Variants in GLB1L observed in about 807,000 individuals in gnomAD.
GLB1L encodes the protein beta-galactosidase-1-like protein.
GLB1L carries 58 observed loss-of-function variants against 75.7 expected under a neutral mutation model. That is an observed-to-expected ratio of 0.77 (90% confidence interval 0.62 to 0.95). The LOEUF is 0.95. Among genes scored for constraint, GLB1L ranks in the 40% least tolerant of loss-of-function variants. The pLI is 0.00. For synonymous variants in GLB1L, 296 were observed against 303.0 expected (o/e 0.98, Z 0.24); for missense variants, 797 against 805.5 (o/e 0.99, Z 0.13).
intron 1 of GLB1L, chr2:219,244,039 G>T (rs1036743684): frequency 1.9e-5 from 3 of 153,956 alleles, no homozygotes; most frequent in Non-Finnish European, 4.3e-5. Flanking sequence ...GTGGGGGTAG[G>T]GGCTGAGGCA....
At position 219,242,882 on chromosome 2, in the gene GLB1L, C is replaced by G. The variant is rs1404280325; in HGVS notation, c.276G>C (p.Gly92=). The part of the protein sequence containing the change: ...VPWNYHEPQP[G]VYNFNGSRDL... ...CCCGGCTGCCATTAAAGTTATAGACCCCAGGCTGTGGCTCGTGGTAGTTCC... is the reference window on the plus strand; with the variant it reads ...CCCGGCTGCCATTAAAGTTATAGACGCCAGGCTGTGGCTCGTGGTAGTTCC... The change falls in exon 4 of 17, where the codon GGG becomes GGC. Residue 92 remains glycine, a synonymous_variant. Coordinates refer to ENST00000295759, the MANE Select transcript of GLB1L (RefSeq NM_001286423.2). The G allele has an allele frequency of 6.2e-7, 1 of 1,614,090 alleles. No homozygotes were observed. The highest frequency in any genetic ancestry group is 1.1e-5 in the South Asian group (1 of 91,090).
intron 5 of GLB1L, among the ~76,000 whole-genome samples, chr2:219,241,887 A>G (rs1044016520): frequency 6.6e-6 from 1 of 152,150 alleles, no homozygotes; most frequent in South Asian, 2.1e-4. Flanking sequence ...TTAGGAAGCT[A>G]TAAAATAAGC....
At position 219,237,098 on chromosome 2, in the gene GLB1L, C is replaced by T; in HGVS notation, c.1939G>A (p.Glu647Lys). Reference sequence around the variant, plus strand: ...CAGTGCCCACTTAACTCCATTGGTTCAGAGGCACTCAGTGTATCAGCTGAA... The same window carrying T: ...CAGTGCCCACTTAACTCCATTGGTTTAGAGGCACTCAGTGTATCAGCTGAA... ...SLSADTLSASEPMELSGH is the reference protein window; with the variant it reads ...SLSADTLSASKPMELSGH Residue 647 changes from glutamate to lysine, a missense_variant, in exon 17 of 17, where the codon GAA becomes AAA. Physicochemically the swap from Glu to Lys is moderately conservative, Grantham distance 56. Transcript: ENST00000295759. 1.9e-6 allele frequency: 3 copies of T among 1,610,952 alleles called. No individual in the cohort carries two copies. The highest frequency in any genetic ancestry group is 2.5e-6 in the Non-Finnish European group (3 of 1,177,246).
In GLB1L at chr2:219,239,688, G is replaced by C; in HGVS notation, c.781-6C>G. ...GTGTAGTACTCAGAGTTTACCTAGAGTGTGAAATGAAAGGAGTGTGAGTGA... is the reference window on the plus strand; with the variant it reads ...GTGTAGTACTCAGAGTTTACCTAGACTGTGAAATGAAAGGAGTGTGAGTGA... On this transcript the variant is annotated splice_region_variant and splice_polypyrimidine_tract_variant and intron_variant, in intron 8 of 16. Coordinates refer to ENST00000295759, the MANE Select transcript of GLB1L (RefSeq NM_001286423.2). 6.2e-7 allele frequency: 1 copy of C among 1,614,188 alleles called. No homozygotes were observed. The highest frequency in any genetic ancestry group is 1.3e-5 in the African/African-American group (1 of 75,036).
Position 219,239,758 on chromosome 2 carries a change from CCT to C in GLB1L, c.780+15_780+16del, listed in dbSNP as rs761058743. 3.1e-6 allele frequency: 5 copies of C among 1,614,210 alleles called. No individual in the cohort carries two copies. Among genetic ancestry groups the C allele is most frequent in the Non-Finnish European group, 4.2e-6 (5 of 1,180,034 alleles). On this transcript the variant is annotated intron_variant, in intron 8 of 16. Coordinates refer to ENST00000295759, the MANE Select transcript of GLB1L (RefSeq NM_001286423.2). Reference sequence around the variant, plus strand: ...CATTCCTATCCCTGATTCCCTGACTCCTCTCTGGCCCCTCACCAATGGCCCAT... The same window carrying C: ...CATTCCTATCCCTGATTCCCTGACTCCTCTGGCCCCTCACCAATGGCCCAT...
At chr2:219,237,403 A>T (rs377561268) in intron 16 of GLB1L, 56 bp from the exon 17 acceptor site, 1 of 1,599,838 alleles carries the variant, frequency 6.3e-7, no homozygotes, top group African/African-American at 1.3e-5. Flanking sequence ...CTCCAGGGGT[A>T]GAATCATACC....
At chr2:219,244,364 A>G (rs1471123048) in intron 1 of GLB1L, among the ~76,000 whole-genome samples, 1 of 152,140 alleles carries the variant, frequency 6.6e-6, no homozygotes, top group Non-Finnish European at 1.5e-5. Context: ...AGTAGGTTAA[A>G]TCTGGATGAA....
intron 2 of GLB1L, 51 bp from the exon 3 acceptor site, chr2:219,243,365 G>A (rs763849481): frequency 1.8e-5 from 28 of 1,591,042 alleles, no homozygotes; most frequent in Non-Finnish European, 2.4e-5. Flanking sequence ...GGAGCGTCGA[G>A]GGTCAGCGCC....
intron 11 of GLB1L, 60 bp from the exon 12 acceptor site, chr2:219,238,839 G>T (rs780748547): frequency 5.5e-6 from 8 of 1,456,566 alleles, no homozygotes; most frequent in Non-Finnish European, 7.6e-6. Context: ...CCTATTCCAA[G>T]ACTCTAGGGC....
chr2:219,239,498 A>T (rs541314623), intron 9 of GLB1L, 47 bp from the exon 10 acceptor site: 1 of 1,613,116 alleles, frequency 6.2e-7, no homozygotes, highest in African/African-American at 1.3e-5. Flanking sequence ...GACTCACTGA[A>T]TCTTAACTTT....
chr2:219,242,812 C>A lies in GLB1L; in HGVS notation c.346G>T (p.Val116Phe). The change falls in exon 4 of 17, where the codon GTC becomes TTC. Residue 116 changes from valine to phenylalanine, a missense_variant. Coordinates refer to ENST00000295759, the MANE Select transcript of GLB1L (RefSeq NM_001286423.2). ...ATGTAAGGTCCTGGTCTCAGTATGACCAACAGGTTCGCTAGAGCTGCCTCA... is the reference window on the plus strand; with the variant it reads ...ATGTAAGGTCCTGGTCTCAGTATGAACAACAGGTTCGCTAGAGCTGCCTCA... The part of the protein sequence containing the change: ...LNEAALANLL[V>F]ILRPGPYICA... 1 of 1,614,210 alleles carries A rather than the reference C, an allele frequency of 6.2e-7. No homozygotes were observed. The highest frequency in any genetic ancestry group is 8.5e-7 in the Non-Finnish European group (1 of 1,180,050).
At chr2:219,244,972 G>C (rs1033607135) in intron 1 of GLB1L, among the ~76,000 whole-genome samples, 3 of 152,212 alleles carry the variant, frequency 2.0e-5, no homozygotes, top group African/African-American at 7.2e-5. Context: ...GTAAGGATCC[G>C]AGAGGTTAAG....
Position 219,242,863 on chromosome 2 carries a change from T to C in GLB1L, c.295A>G (p.Ser99Gly). Residue 99 changes from serine to glycine, a missense_variant, in exon 4 of 17, where the codon AGC (serine) becomes GGC (glycine). Coordinates refer to ENST00000295759, the MANE Select transcript of GLB1L (RefSeq NM_001286423.2). ...PQPGVYNFNG[S>G]RDLIAFLNEA... is the part of the protein sequence containing the mutation. ...TTCAGAAAGGCAATGAGGTCCCGGCTGCCATTAAAGTTATAGACCCCAGGC... is the reference window on the plus strand; with the variant it reads ...TTCAGAAAGGCAATGAGGTCCCGGCCGCCATTAAAGTTATAGACCCCAGGC... The C allele has an allele frequency of 6.2e-7, 1 of 1,614,218 alleles. No individual in the cohort carries two copies. Among genetic ancestry groups the C allele is most frequent in the Non-Finnish European group, 8.5e-7 (1 of 1,180,040 alleles).
intron 5 of GLB1L, among the ~76,000 whole-genome samples, chr2:219,241,465 T>TATATAC (rs1457421471): frequency 3.2e-4 from 44 of 136,504 alleles, no homozygotes; most frequent in South Asian, 6.8e-4. Flanking sequence ...TATATATATA[T>TATATAC]ACATACATAT....
chr2:219,239,619 C>A lies in GLB1L; in HGVS notation c.844G>T (p.Val282Leu). 1 of 1,614,228 alleles carries A rather than the reference C, an allele frequency of 6.2e-7. No individual in the cohort carries two copies. The highest frequency in any genetic ancestry group is 1.7e-5 in the Admixed American group (1 of 60,026). The change falls in exon 9 of 17, where the codon GTG (valine) becomes TTG (leucine). Residue 282 changes from valine to leucine, a missense_variant. Val to Leu is a conservative substitution (Grantham distance 32). Coordinates refer to ENST00000295759, the MANE Select transcript of GLB1L (RefSeq NM_001286423.2). ...YWGQNHSTRS[V>L]SAVTKGLENM... The stretch of plus-strand genomic sequence containing the variant: ...TCTAGTCCTTTGGTTACAGCTGACA[C>A]AGACCGTGTGGAGTGATTCTGGCCC...
rs1559262166 is a variant in GLB1L at position 219,237,127 on chromosome 2, GA to G, written c.1909del (p.Ser637ProfsTer7). ...TSTLHRTHIN[S>X]LSADTLSASE... ...GGCACTCAGTGTATCAGCTGAAAGG[GA>G]ATTGATATGTGTCCTGTGCAAAGTA... is the stretch of plus-strand genomic sequence containing the variant. On this transcript the variant is annotated frameshift_variant, in exon 17 of 17. Coordinates refer to ENST00000295759, the MANE Select transcript of GLB1L (RefSeq NM_001286423.2). LOFTEE classifies it high-confidence loss of function. 6 of 1,613,686 alleles carry G rather than the reference GA, an allele frequency of 3.7e-6. No homozygotes were observed. The highest frequency in any genetic ancestry group is 1.7e-4 in the Middle Eastern group (1 of 6,060).
chr2:219,238,766 G>C lies in GLB1L; in HGVS notation c.1076C>G (p.Pro359Arg). Residue 359 changes from proline (P) to arginine (R), a missense_variant, in exon 12 of 17, where the codon CCT becomes CGT. Pro to Arg is a moderately radical substitution (Grantham distance 103). Coordinates refer to ENST00000295759, the MANE Select transcript of GLB1L (RefSeq NM_001286423.2). Reference sequence around the variant, plus strand: ...GCTCGGGGGAGGTAAAGGTCCCAAAGGAACTTCCTGGAACTGAGCCCAGAT... The same window carrying C: ...GCTCGGGGGAGGTAAAGGTCCCAAACGAACTTCCTGGAACTGAGCCCAGAT... The part of the protein sequence containing the change: ...RDVISKFQEV[P>R]LGPLPPPSPK... 6.2e-7 allele frequency: 1 copy of C among 1,613,064 alleles called. No homozygotes were observed.
rs1057109500 is a variant in GLB1L, at chr2:219,243,230, G to A, written c.157C>T (p.Leu53=). The part of the protein sequence containing the change: ...GAPFRYVSGS[L]HYFRVPRVLW... ...ACCCGCGGTACCCGAAAGTAGTGCA[G>A]GCTGCCAGACACATAGCGGAACGGG... Residue 53 remains leucine (L), a synonymous_variant, in exon 3 of 17, where the codon CTG becomes TTG. Coordinates refer to ENST00000295759, the MANE Select transcript of GLB1L (RefSeq NM_001286423.2). The A allele has an allele frequency of 1.2e-6, 2 of 1,614,208 alleles. No homozygotes were observed. The highest frequency in any genetic ancestry group is 1.7e-6 in the Non-Finnish European group (2 of 1,180,010).
intron 10 of GLB1L, 61 bp downstream of exon 10, chr2:219,239,350 C>T (rs761222188): frequency 2.0e-6 from 3 of 1,532,422 alleles, no homozygotes; most frequent in South Asian, 1.2e-5. Flanking sequence ...ATCCACCTGG[C>T]CCTTAGATTC....
Sources: allele counts gnomAD v4.1 joint callset (sites outside exome capture counted in the v4.1 genomes callset), GRCh38; gene constraint gnomAD v4.1.1; transcripts MANE v1.5; gene names NCBI Gene and HGNC (gene_info 2026-07-23, HGNC 2026-07-21).